FANCC: variants seen among roughly 807,000 people sequenced by gnomAD.
FANCC encodes Fanconi anemia group C protein.
In FANCC, 55 loss-of-function variants were observed where a neutral mutation model predicts 71.3. That is an observed-to-expected ratio of 0.77 (90% CI 0.62 to 0.97). The LOEUF is 0.97. Among genes scored for constraint, FANCC ranks in the 50% least tolerant of loss-of-function variants. FANCC has a pLI of 0.00. For missense variants in FANCC, 678 were observed against 670.9 expected, an observed-to-expected ratio of 1.01 and a Z score of -0.12; for synonymous variants, 275 against 244.9, an observed-to-expected ratio of 1.12 and a Z score of -1.15.
intron 1 of FANCC, among the ~76,000 whole-genome samples, chr9:95,297,474 T>C (rs996196820): frequency 6.6e-6 from 1 of 152,198 alleles, no homozygotes; most frequent in Non-Finnish European, 1.5e-5. Flanking sequence ...TAGAAGGAGA[T>C]ACAGATGCCC....
chr9:95,180,224 C>T (rs747502675), intron 4 of FANCC, among the ~76,000 whole-genome samples: 34 of 151,880 alleles, frequency 2.2e-4, no homozygotes, highest in Non-Finnish European at 1.5e-4. Flanking sequence ...ACTGGAAGGT[C>T]TTCAGGGGCA....
intron 4 of FANCC, among the ~76,000 whole-genome samples, chr9:95,182,485 A>C (rs1401719716): frequency 6.6e-6 from 1 of 152,172 alleles, no homozygotes; most frequent in African/African-American, 2.4e-5. Context: ...GCGCTACTGC[A>C]CTCCAGCCTG....
intron 1 of FANCC, among the ~76,000 whole-genome samples, chr9:95,286,732 G>A (rs1248364081): frequency 1.3e-5 from 2 of 152,146 alleles, no homozygotes; most frequent in African/African-American, 2.4e-5. Flanking sequence ...AAGAAAAGGG[G>A]AGCATCATCA....
At chr9:95,126,199 TA>T (rs1825952280) in intron 9 of FANCC, among the ~76,000 whole-genome samples, 1 of 152,112 alleles carries the variant, frequency 6.6e-6, no homozygotes, top group African/African-American at 2.4e-5. Flanking sequence ...GTGAAGGGAG[TA>T]TATTGCTACC....
At chr9:95,192,144 G>T (rs1020279898) in intron 4 of FANCC, among the ~76,000 whole-genome samples, 1 of 152,186 alleles carries the variant, frequency 6.6e-6, no homozygotes, top group Non-Finnish European at 1.5e-5. Context: ...ATCTAAAATC[G>T]ATTCCCACGG....
intron 1 of FANCC, among the ~76,000 whole-genome samples, chr9:95,290,618 G>C (rs139961769): frequency 3.3e-4 from 50 of 152,202 alleles, no homozygotes; most frequent in Middle Eastern, 3.4e-3. Flanking sequence ...CAAGACCTCT[G>C]GAAAATGGGA....
At chr9:95,183,140 C>A (rs1826482776) in intron 4 of FANCC, among the ~76,000 whole-genome samples, 1 of 152,298 alleles carries the variant, frequency 6.6e-6, no homozygotes, top group Non-Finnish European at 1.5e-5. Flanking sequence ...AACCTCCCCG[C>A]CCCCATCTCT....
chr9:95,104,960 G>C (rs1413377244), intron 14 of FANCC, among the ~76,000 whole-genome samples: 5 of 152,208 alleles, frequency 3.3e-5, no homozygotes, highest in Admixed American at 2.0e-4. Flanking sequence ...CTCGCGTCTG[G>C]CTTATTTCGC....
chr9:95,296,759 C>T (rs1834403904), intron 1 of FANCC, among the ~76,000 whole-genome samples: 1 of 152,210 alleles, frequency 6.6e-6, no homozygotes. Flanking sequence ...AACATGAACA[C>T]TGACATTCAC....
At chr9:95,251,823 A>C (rs1260006578) in intron 1 of FANCC, among the ~76,000 whole-genome samples, 1 of 152,232 alleles carries the variant, frequency 6.6e-6, no homozygotes, top group African/African-American at 2.4e-5. Flanking sequence ...TGAAATGGGT[A>C]CTATTATCAT....
rs10692344 is a variant in FANCC at position 95,181,159 on chromosome 9, TTGTGTG to T, written c.346-9018_346-9013del. ...ACATACACACACACACACGTACACA[TTGTGTG>T]TGTGTGTGTGTGTGTGTGTGTGTGT... is the stretch of plus-strand genomic sequence containing the variant. On this transcript the variant is annotated intron_variant, in intron 4 of 14. Coordinates refer to ENST00000289081, the MANE Select transcript of FANCC (RefSeq NM_000136.3). 3.1e-3 allele frequency among the ~76,000 whole-genome samples: 460 copies of T among 148,366 alleles called. 1 individual carries two copies. The highest frequency in any genetic ancestry group is 3.4e-3 in the Middle Eastern group (1 of 290).
chr9:95,110,510 T>A, intron 13 of FANCC: 1 of 1,030,718 alleles, frequency 9.7e-7, no homozygotes, highest in Non-Finnish European at 1.2e-6. Flanking sequence ...ATACGTGGGT[T>A]ATAATTTTTT....
chr9:95,104,801 G>A (rs1364893357), intron 14 of FANCC, among the ~76,000 whole-genome samples: 1 of 152,106 alleles, frequency 6.6e-6, no homozygotes, highest in Non-Finnish European at 1.5e-5. Context: ...GGTTGGGGAG[G>A]AAGTGCCTGA....
At chr9:95,175,568 C>T (rs2135617878) in intron 4 of FANCC, among the ~76,000 whole-genome samples, 1 of 152,342 alleles carries the variant, frequency 6.6e-6, no homozygotes, top group African/African-American at 2.4e-5. Flanking sequence ...TCTTCCAACA[C>T]CAAGTGCAAT....
intron 6 of FANCC, among the ~76,000 whole-genome samples, chr9:95,153,382 G>C (rs984357924): frequency 6.6e-6 from 1 of 151,970 alleles, no homozygotes; most frequent in African/African-American, 2.4e-5. Context: ...TGTAATTGCT[G>C]GATCAAATAG....
intron 4 of FANCC, among the ~76,000 whole-genome samples, chr9:95,178,312 G>A (rs987764360): frequency 4.6e-5 from 7 of 152,268 alleles, no homozygotes; most frequent in African/African-American, 1.4e-4. Context: ...AGCCTCTAAC[G>A]TCCAGACATG....
At chr9:95,207,549 T>C (rs1029707091) in intron 4 of FANCC, among the ~76,000 whole-genome samples, 3 of 152,088 alleles carry the variant, frequency 2.0e-5, no homozygotes, top group Admixed American at 1.3e-4. Context: ...AAAACCAACT[T>C]TGAACTGTGC....
intron 10 of FANCC, among the ~76,000 whole-genome samples, chr9:95,120,205 T>G (rs536726864): frequency 2.0e-5 from 3 of 152,198 alleles, no homozygotes; most frequent in Non-Finnish European, 4.4e-5. Context: ...TACAAGGTAA[T>G]GTTTGAGGTT....
chr9:95,293,340 G>A (rs1029850666), intron 1 of FANCC: 3 of 1,605,752 alleles, frequency 1.9e-6, no homozygotes, highest in Middle Eastern at 1.8e-4. Context: ...GTTGATCAGG[G>A]CTCTGCCACA....
Sources: allele counts gnomAD v4.1 joint callset (sites outside exome capture counted in the v4.1 genomes callset), GRCh38; gene constraint gnomAD v4.1.1; transcripts MANE v1.5; gene names NCBI Gene and HGNC (gene_info 2026-07-23, HGNC 2026-07-21).